PROCR: variants seen among roughly 807,000 people sequenced by gnomAD.
PROCR encodes the protein endothelial protein C receptor.
Under a neutral mutation model 24.2 loss-of-function variants are expected in PROCR, and 22 were observed. The observed-to-expected ratio is 0.91, with a 90% CI of 0.65 to 1.30. The LOEUF is 1.30. PROCR is among the 50% of genes most tolerant of loss of function. The pLI, the probability that PROCR is intolerant of heterozygous loss-of-function variation, is 0.00. For missense variants in PROCR, 288 were observed against 307.7 expected (o/e 0.94, Z 0.48); for synonymous variants, 137 against 139.2 (o/e 0.98, Z 0.11).
chr20:35,178,978 T>C (rs1289148061), downstream of PROCR, among the ~76,000 whole-genome samples: 1 of 149,590 alleles, frequency 6.7e-6, no homozygotes, highest in Non-Finnish European at 1.5e-5. Context: ...ATGCCTGTAA[T>C]CCCAGCACTT....
At chr20:35,172,315 C>G in intron 1 of PROCR, 91 bp downstream of exon 1, 3 of 1,452,946 alleles carry the variant, frequency 2.1e-6, no homozygotes, top group Non-Finnish European at 2.9e-6. Context: ...GAGCTTATCT[C>G]ACAGCATCTG....
downstream of PROCR, among the ~76,000 whole-genome samples, chr20:35,179,961 G>A (rs918430177): frequency 7.9e-5 from 12 of 152,042 alleles, no homozygotes; most frequent in Admixed American, 5.9e-4. Flanking sequence ...AAGACTTCCT[G>A]TTGGCCGGGC....
chr20:35,205,510 G>C (rs1174076931), intron 1 of PROCR, among the ~76,000 whole-genome samples: 1 of 149,758 alleles, frequency 6.7e-6, no homozygotes, highest in Non-Finnish European at 1.5e-5. Flanking sequence ...CCAGCACTTT[G>C]GGAGGCCGAG....
downstream of PROCR, among the ~76,000 whole-genome samples, chr20:35,181,738 C>T (rs550126104): frequency 7.9e-5 from 12 of 152,212 alleles, no homozygotes; most frequent in African/African-American, 2.9e-4. Flanking sequence ...CTTTCTCATT[C>T]TCCCCAAATC....
chr20:35,199,475 G>A (rs1050452850), intron 1 of PROCR, among the ~76,000 whole-genome samples: 4 of 152,166 alleles, frequency 2.6e-5, no homozygotes, highest in Non-Finnish European at 5.9e-5. Flanking sequence ...TACAGGCCAG[G>A]TGCAGTGGCT....
At chr20:35,179,072 A>C (rs1305979069), downstream of PROCR, among the ~76,000 whole-genome samples, 2 of 150,630 alleles carry the variant, frequency 1.3e-5, no homozygotes, top group African/African-American at 2.4e-5. Flanking sequence ...TCTACTAAAC[A>C]AAAACAAAAA....
intron 1 of PROCR, among the ~76,000 whole-genome samples, chr20:35,189,265 CGG>C (rs36094360): frequency 6.8e-6 from 1 of 146,546 alleles, no homozygotes; most frequent in Admixed American, 6.9e-5. Context: ...GAACGCATTC[CGG>C]GGGGGGGCCT....
chr20:35,215,073 A>AT (rs1568603572), intron 1 of PROCR, among the ~76,000 whole-genome samples: 2 of 151,788 alleles, frequency 1.3e-5, no homozygotes, highest in South Asian at 2.1e-4. Flanking sequence ...AGCCAGGCTA[A>AT]TTTTTTTGTG....
At chr20:35,174,647 G>A (rs2085987584) in intron 1 of PROCR, 55 bp from the exon 2 acceptor site, 2 of 1,609,388 alleles carry the variant, frequency 1.2e-6, no homozygotes, top group South Asian at 1.1e-5. Flanking sequence ...ATTATCTTCC[G>A]CTGCCCGCCG....
At chr20:35,178,507 G>GTTTTGT (rs1272557859), downstream of PROCR, among the ~76,000 whole-genome samples, 1 of 34,372 alleles carries the variant, frequency 2.9e-5, no homozygotes, top group African/African-American at 1.8e-4. Context: ...TCAAGTCTCA[G>GTTTTGT]TTTTTTTTTT....
chr20:35,198,254 T>C (rs978931439), intron 1 of PROCR, among the ~76,000 whole-genome samples: 1 of 151,644 alleles, frequency 6.6e-6, no homozygotes, highest in African/African-American at 2.4e-5. Context: ...ATTGTGCCAC[T>C]GCACTCCAGC....
chr20:35,176,378 T>C lies in PROCR; in HGVS notation c.533T>C (p.Leu178Pro). ...GCCTACAACCGCACTCGGTATGAACTGCGGGAATTCCTGGAGGACACCTGT... is the reference window on the plus strand; with the variant it reads ...GCCTACAACCGCACTCGGTATGAACCGCGGGAATTCCTGGAGGACACCTGT... The part of the protein sequence containing the change: ...LNAYNRTRYE[L>P]REFLEDTCVQ... The change falls in exon 3 of 4, where the codon CTG becomes CCG. Residue 178 changes from leucine (L) to proline (P), a missense_variant. Coordinates refer to ENST00000216968, the MANE Select transcript of PROCR (RefSeq NM_006404.5). The C allele has an allele frequency of 6.2e-7, 1 of 1,614,194 alleles. No homozygotes were observed.
In PROCR at chr20:35,177,066, A is replaced by G; in HGVS notation, c.*253A>G. The G allele has an allele frequency of 7.8e-7, 1 of 1,282,690 alleles. No individual in the cohort carries two copies. Among genetic ancestry groups the G allele is most frequent in the Non-Finnish European group, 1.0e-6 (1 of 1,003,848 alleles). 79.5% of individuals were successfully genotyped at this position (1,282,690 alleles called of 1,614,324 possible). A position where few individuals can be genotyped will look rare whatever the true frequency, so the allele number is the denominator to read the frequency against. ...GAATTAGTCTGATAAGTGAATGTTT[A>G]TCTATCTTTGTGGAAAACAGATAAT... On this transcript the variant is annotated 3_prime_UTR_variant, in exon 4 of 4. Coordinates refer to ENST00000216968, the MANE Select transcript of PROCR (RefSeq NM_006404.5).
intron 1 of PROCR, among the ~76,000 whole-genome samples, chr20:35,194,770 G>A (rs1273777255): frequency 2.1e-5 from 2 of 93,970 alleles, no homozygotes; most frequent in Admixed American, 2.5e-4. Flanking sequence ...CTCTGAAAAT[G>A]AACTGACACT....
chr20:35,213,339 A>T (rs2146183724), intron 1 of PROCR, among the ~76,000 whole-genome samples: 1 of 152,312 alleles, frequency 6.6e-6, no homozygotes, highest in East Asian at 1.9e-4. Flanking sequence ...TCAAAAAAAA[A>T]AAAGAGTCCA....
intron 3 of PROCR, 40 bp downstream of exon 3, chr20:35,176,486 G>A (rs372739013): frequency 4.6e-5 from 74 of 1,609,458 alleles, no homozygotes; most frequent in Non-Finnish European, 6.0e-5. Flanking sequence ...GCTGGGGAGA[G>A]GGCGGGTTCC....
chr20:35,174,434 G>C (rs1392532956), intron 1 of PROCR: 2 of 521,472 alleles, frequency 3.8e-6, no homozygotes, highest in African/African-American at 3.8e-5. Flanking sequence ...GGGAGGGAGA[G>C]CCGAGGGTGA....
In PROCR at chr20:35,192,072, G is replaced by A. The variant is rs569790578; in HGVS notation, c.94+15626G>A. Among the ~76,000 whole-genome samples the A allele has an allele frequency of 4.6e-5, 7 of 152,172 alleles. No homozygotes were observed. In the South Asian group the frequency reaches 1.0e-3, roughly 23 times the overall value. On this transcript the variant is annotated intron_variant, in intron 1 of 1. Coordinates refer to the PROCR transcript ENST00000634509. ...TAGTCAGAAAGAAAAAGACAAACAAGGAAGGAAAGAAAAGACAGTATTGGC... is the reference window on the plus strand; with the variant it reads ...TAGTCAGAAAGAAAAAGACAAACAAAGAAGGAAAGAAAAGACAGTATTGGC...
chr20:35,176,512 C>G (rs955472853), intron 3 of PROCR, 66 bp downstream of exon 3: 1 of 1,603,210 alleles, frequency 6.2e-7, no homozygotes, highest in Non-Finnish European at 8.5e-7. Context: ...AATGGATGGA[C>G]CTGAAGGATG....
Sources: allele counts gnomAD v4.1 joint callset (sites outside exome capture counted in the v4.1 genomes callset), GRCh38; gene constraint gnomAD v4.1.1; transcripts MANE v1.5; gene names NCBI Gene and HGNC (gene_info 2026-07-23, HGNC 2026-07-21).